SLC35F1: variants seen among roughly 807,000 people sequenced by gnomAD.
SLC35F1 encodes the protein chromosome 6 open reading frame 169.
A neutral mutation model predicts 48.7 loss-of-function variants in SLC35F1; 14 were observed. The observed-to-expected ratio is 0.29, with a 90% CI of 0.19 to 0.45. The LOEUF is 0.45. SLC35F1 is among the 20% of genes least tolerant of loss of function. The pLI, the probability that SLC35F1 is intolerant of heterozygous loss-of-function variation, is 1.00. For missense variants in SLC35F1, 404 were observed against 500.0 expected (o/e 0.81, Z 1.83); for synonymous variants, 190 against 202.2 (o/e 0.94, Z 0.51).
chr6:118,203,732 A>C (rs1295109815), intron 2 of SLC35F1, among the ~76,000 whole-genome samples: 2 of 152,200 alleles, frequency 1.3e-5, no homozygotes, highest in African/African-American at 4.8e-5. Flanking sequence ...CTGAATATCC[A>C]TGTAATCCAA....
At chr6:118,175,505 C>T (rs956327051) in intron 2 of SLC35F1, among the ~76,000 whole-genome samples, 1 of 152,070 alleles carries the variant, frequency 6.6e-6, no homozygotes, top group Non-Finnish European at 1.5e-5. Flanking sequence ...TACCAAAATG[C>T]CACTAACATA....
intron 1 of SLC35F1, among the ~76,000 whole-genome samples, chr6:118,066,753 T>C (rs544032333): frequency 5.5e-4 from 83 of 150,732 alleles, no homozygotes; most frequent in African/African-American, 1.8e-3. Context: ...TTTTTTTTTT[T>C]TTTTTTTCTT....
intron 1 of SLC35F1, among the ~76,000 whole-genome samples, chr6:118,124,163 G>A (rs866932987): frequency 6.6e-6 from 1 of 152,142 alleles, no homozygotes; most frequent in Non-Finnish European, 1.5e-5. Context: ...CTGACCTCCA[G>A]TATTAGCTTT....
chr6:118,029,542 G>A (rs9320626), intron 1 of SLC35F1, among the ~76,000 whole-genome samples: 34,186 of 151,916 alleles, frequency 0.23, 4,040 homozygotes, highest in East Asian at 0.33. Context: ...AAAAATCATA[G>A]TATATATTGA....
chr6:118,001,585 C>T (rs940804695), intron 1 of SLC35F1, among the ~76,000 whole-genome samples: 1 of 151,856 alleles, frequency 6.6e-6, no homozygotes, highest in Non-Finnish European at 1.5e-5. Context: ...GCAACAAAAG[C>T]CAAAATTGAC....
intron 1 of SLC35F1, among the ~76,000 whole-genome samples, chr6:117,929,969 T>C (rs978532146): frequency 3.3e-5 from 5 of 152,174 alleles, no homozygotes; most frequent in Admixed American, 6.6e-5. Flanking sequence ...TGCTTAATCC[T>C]TTCAAACCAT....
chr6:117,947,497 G>T (rs1471744692), intron 1 of SLC35F1, among the ~76,000 whole-genome samples: 2 of 152,162 alleles, frequency 1.3e-5, no homozygotes, highest in Non-Finnish European at 2.9e-5. Flanking sequence ...CTGCTGTAAA[G>T]AAGAGACAGT....
At chr6:117,920,888 A>G (rs1775889177) in intron 1 of SLC35F1, among the ~76,000 whole-genome samples, 1 of 152,096 alleles carries the variant, frequency 6.6e-6, no homozygotes, top group African/African-American at 2.4e-5. Flanking sequence ...TTTGTGTCCT[A>G]TATTTCCTTT....
At position 117,963,282 on chromosome 6, in the gene SLC35F1, C is replaced by CA. The variant is rs1169744719; in HGVS notation, c.173+55384dup. Among the ~76,000 whole-genome samples, 3 of 151,884 alleles carry CA rather than the reference C, an allele frequency of 2.0e-5. No individual in the cohort carries two copies. In the East Asian group the frequency reaches 5.8e-4, roughly 29 times the overall value. Reference sequence around the variant, plus strand: ...GAGACAACATATGCAAAGTTCTCAGCACCCTAAGTTTTGGCGTAAAGTAAA... The same window carrying CA: ...GAGACAACATATGCAAAGTTCTCAGCAACCCTAAGTTTTGGCGTAAAGTAAA... On this transcript the variant is annotated intron_variant, in intron 1 of 7. Transcript: ENST00000360388.
intron 1 of SLC35F1, among the ~76,000 whole-genome samples, chr6:117,954,938 T>G (rs969165543): frequency 1.3e-5 from 2 of 152,242 alleles, no homozygotes. Flanking sequence ...TCTCTTGTAA[T>G]TCTTTGAAAA....
chr6:118,135,117 T>C (rs939713374), intron 1 of SLC35F1, among the ~76,000 whole-genome samples: 2 of 152,178 alleles, frequency 1.3e-5, no homozygotes, highest in Admixed American at 1.3e-4. Context: ...AAATAAGGCA[T>C]CCTGCTAGGC....
At chr6:117,974,803 A>G (rs893893017) in intron 1 of SLC35F1, among the ~76,000 whole-genome samples, 1 of 152,226 alleles carries the variant, frequency 6.6e-6, no homozygotes, top group African/African-American at 2.4e-5. Context: ...TGTTTTCCAA[A>G]ATAAAACAGA....
intron 1 of SLC35F1, among the ~76,000 whole-genome samples, chr6:118,049,513 T>G (rs983633525): frequency 1.6e-4 from 24 of 151,592 alleles, no homozygotes; most frequent in African/African-American, 5.6e-4. Context: ...CAAACAAATT[T>G]ACAAGAAAAA....
chr6:118,068,610 T>A (rs9320637), intron 1 of SLC35F1, among the ~76,000 whole-genome samples: 1 of 152,094 alleles, frequency 6.6e-6, no homozygotes, highest in African/African-American at 2.4e-5. Context: ...GGAAGAAAAG[T>A]TGAGGGAGAT....
At chr6:118,123,804 A>C (rs1461570447) in intron 1 of SLC35F1, among the ~76,000 whole-genome samples, 1 of 152,196 alleles carries the variant, frequency 6.6e-6, no homozygotes, top group African/African-American at 2.4e-5. Context: ...CTCTGAGTCA[A>C]AATGGTAATT....
chr6:118,266,558 A>T (rs1023505939), intron 3 of SLC35F1, among the ~76,000 whole-genome samples: 1 of 152,190 alleles, frequency 6.6e-6, no homozygotes, highest in Non-Finnish European at 1.5e-5. Context: ...TTCATAAAAC[A>T]TTATAAGACC....
At chr6:118,309,290 C>T (rs1029018976) in intron 7 of SLC35F1, among the ~76,000 whole-genome samples, 3 of 151,924 alleles carry the variant, frequency 2.0e-5, no homozygotes, top group Non-Finnish European at 4.4e-5. Context: ...AAACTCCTGC[C>T]TCAGCCTCCT....
chr6:118,245,787 T>C (rs1271684495), intron 3 of SLC35F1, among the ~76,000 whole-genome samples: 1 of 152,190 alleles, frequency 6.6e-6, no homozygotes, highest in African/African-American at 2.4e-5. Context: ...TAAGTTGTTC[T>C]CTGATGTGGC....
chr6:118,309,457 G>C (rs1376119381), intron 7 of SLC35F1, among the ~76,000 whole-genome samples: 1 of 152,166 alleles, frequency 6.6e-6, no homozygotes, highest in Non-Finnish European at 1.5e-5. Flanking sequence ...CTTGGTACAT[G>C]CATTCAATAA....
Sources: gnomAD v4.1 joint callset for allele counts (sites outside exome capture counted in the v4.1 genomes callset) on GRCh38, gnomAD v4.1.1 for gene constraint, MANE v1.5 for transcripts, NCBI Gene and HGNC (gene_info 2026-07-23, HGNC 2026-07-21) for gene names.